Variants in MTDH observed in about 807,000 individuals in gnomAD.
The protein encoded by MTDH is metadherin, also known as protein LYRIC.
A neutral mutation model predicts 72.7 loss-of-function variants in MTDH; 34 were observed. The ratio of observed to expected loss-of-function variants is 0.47; its 90% CI spans 0.36 to 0.62. MTDH has a LOEUF of 0.62. Among genes scored for constraint, MTDH ranks in the 20% least tolerant of loss-of-function variants. MTDH has a pLI of 0.00. For missense variants in MTDH, 677 were observed against 699.4 expected, an observed-to-expected ratio of 0.97 and a Z score of 0.36; for synonymous variants, 266 against 268.9, an observed-to-expected ratio of 0.99 and a Z score of 0.10.
At chr8:97,711,001 A>G (rs1332204995) in intron 8 of MTDH, among the ~76,000 whole-genome samples, 1 of 151,170 alleles carries the variant, frequency 6.6e-6, no homozygotes, top group Non-Finnish European at 1.5e-5. Context: ...CTCCATCTCA[A>G]AAAAATAAAT....
intron 6 of MTDH, among the ~76,000 whole-genome samples, chr8:97,692,177 C>T (rs1250380594): frequency 3.3e-5 from 5 of 151,572 alleles, no homozygotes; most frequent in South Asian, 2.1e-4. Context: ...CCATCGCACC[C>T]GGCCTATAGT....
chr8:97,651,489 T>C (rs1375519064), intron 1 of MTDH, among the ~76,000 whole-genome samples: 1 of 152,196 alleles, frequency 6.6e-6, no homozygotes, highest in Non-Finnish European at 1.5e-5. Flanking sequence ...GATACTTATT[T>C]ACAGTGATGA....
chr8:97,678,929 G>A (rs1324948774), intron 2 of MTDH, among the ~76,000 whole-genome samples: 1 of 152,152 alleles, frequency 6.6e-6, no homozygotes, highest in Non-Finnish European at 1.5e-5. Flanking sequence ...GCAATGAAGA[G>A]TGTATTCTGA....
At chr8:97,693,621 C>G (rs1446896382) in intron 6 of MTDH, among the ~76,000 whole-genome samples, 1 of 152,134 alleles carries the variant, frequency 6.6e-6, no homozygotes, top group East Asian at 1.9e-4. Flanking sequence ...CCACCATGCC[C>G]AGCCGTTTCT....
intron 2 of MTDH, among the ~76,000 whole-genome samples, chr8:97,664,311 G>A (rs1812293914): frequency 6.6e-6 from 1 of 151,650 alleles, no homozygotes; most frequent in African/African-American, 2.4e-5. Context: ...AGCTGAGATC[G>A]TACCATTGCA....
Position 97,726,283 on chromosome 8 carries a change from A to G in MTDH, c.*1613A>G, listed in dbSNP as rs1363347147. The G allele has an allele frequency of 6.6e-6, 1 of 152,630 alleles. No individual in the cohort carries two copies. Among genetic ancestry groups the G allele is most frequent in the African/African-American group, 2.4e-5 (1 of 41,452 alleles). The allele number at this position is 152,630 out of a possible 1,614,324, so 9.5% of individuals were successfully genotyped here. A position where few individuals can be genotyped will look rare whatever the true frequency, so the allele number is the denominator to read the frequency against. ...TTGTTTAATTCTATGGTATTTCTAA[A>G]TTGACTTGTTTAAATAAATTCAGCA... On this transcript the variant is annotated 3_prime_UTR_variant, in exon 12 of 12. Coordinates refer to ENST00000336273, the MANE Select transcript of MTDH (RefSeq NM_178812.4).
intron 6 of MTDH, among the ~76,000 whole-genome samples, chr8:97,692,962 C>T (rs1813679240): frequency 6.6e-6 from 1 of 152,080 alleles, no homozygotes; most frequent in Admixed American, 6.5e-5. Context: ...GAACTCTTGA[C>T]CTCAAGTTGT....
At chr8:97,674,967 C>T (rs1326142728) in intron 2 of MTDH, among the ~76,000 whole-genome samples, 1 of 152,092 alleles carries the variant, frequency 6.6e-6, no homozygotes, top group Non-Finnish European at 1.5e-5. Context: ...TGCACCACCA[C>T]ACCCGACTAA....
In MTDH at chr8:97,722,932, A is replaced by G. The variant is rs1353544548; in HGVS notation, c.1575A>G (p.Ser525=). ...ATSTEPSVIL[S]KSDSDKSSSQ... is the part of the protein sequence containing the mutation. ...CTACCGAGCCATCTGTAATCTTATCAAAAAGTGATTCTGACAAGAGCTCTT... is the reference window on the plus strand; with the variant it reads ...CTACCGAGCCATCTGTAATCTTATCGAAAAGTGATTCTGACAAGAGCTCTT... Residue 525 remains serine, a synonymous_variant, in exon 11 of 12, where the codon TCA becomes TCG. Transcript: ENST00000336273. The G allele has an allele frequency of 1.2e-6, 2 of 1,614,098 alleles. No homozygotes were observed. The highest frequency in any genetic ancestry group is 1.7e-6 in the Non-Finnish European group (2 of 1,179,990).
intron 7 of MTDH, among the ~76,000 whole-genome samples, chr8:97,704,099 A>AATCACCTGTTCCATGTTTTTCCTCC (rs1356675996): frequency 2.6e-5 from 4 of 152,202 alleles, no homozygotes; most frequent in Non-Finnish European, 5.9e-5. Context: ...TCACACTTGT[A>AATCACCTGTTCCATGTTTTTCCTCC]ATCACCTGTT....
rs774102212 is a variant in MTDH at position 97,661,115 on chromosome 8, G to T, written c.425G>T (p.Arg142Leu). Residue 142 changes from arginine (R) to leucine (L), a missense_variant, in exon 2 of 12, where the codon CGA becomes CTA. By Grantham distance (102) the Arg-to-Leu change is moderately radical. Coordinates refer to ENST00000336273, the MANE Select transcript of MTDH (RefSeq NM_178812.4). ...GAAGTGGCTGAGGGTGAAGCTGTTC[G>T]AACACCTCAAAGTGTAACAGCAAAG... Reference protein sequence around the residue: ...TVEVAEGEAVRTPQSVTAKQP... With the variant: ...TVEVAEGEAVLTPQSVTAKQP... The T allele has an allele frequency of 1.9e-6, 3 of 1,613,024 alleles. No individual in the cohort carries two copies. Among genetic ancestry groups the T allele is most frequent in the East Asian group, 2.2e-5 (1 of 44,842 alleles).
Position 97,689,025 on chromosome 8 carries a change from C to T in MTDH, c.746-13C>T, listed in dbSNP as rs533264273. On this transcript the variant is annotated splice_polypyrimidine_tract_variant and intron_variant, in intron 4 of 11. Coordinates refer to ENST00000336273, the MANE Select transcript of MTDH (RefSeq NM_178812.4). ...ATTTAGTATTAAATAAATTTTATTTCTATTTTAACCAGGTGATTCTCATCT... is the reference window on the plus strand; with the variant it reads ...ATTTAGTATTAAATAAATTTTATTTTTATTTTAACCAGGTGATTCTCATCT... 9 of 1,453,706 alleles carry T rather than the reference C, an allele frequency of 6.2e-6. No homozygotes were observed. The highest frequency in any genetic ancestry group is 4.2e-5 in the African/African-American group (3 of 71,396). The allele number at this position is 1,453,706 out of a possible 1,614,324, so 90.1% of individuals were successfully genotyped here.
intron 1 of MTDH, among the ~76,000 whole-genome samples, chr8:97,657,452 C>G (rs1406871919): frequency 6.6e-6 from 1 of 152,034 alleles, no homozygotes; most frequent in Non-Finnish European, 1.5e-5. Context: ...AGAAAGCCAC[C>G]ATATAGATTA....
intron 8 of MTDH, among the ~76,000 whole-genome samples, chr8:97,709,794 C>T (rs568449643): frequency 5.3e-4 from 80 of 151,992 alleles, no homozygotes; most frequent in Non-Finnish European, 5.0e-4. Context: ...GATTGGGAAG[C>T]GGTATAAAGG....
At chr8:97,717,743 ATTGTTTGT>A (rs751913507) in intron 9 of MTDH, among the ~76,000 whole-genome samples, 3 of 150,554 alleles carry the variant, frequency 2.0e-5, no homozygotes, top group African/African-American at 7.3e-5. Flanking sequence ...TGTCCCTGAG[ATTGTTTGT>A]TTGTTTGTTT....
intron 1 of MTDH, among the ~76,000 whole-genome samples, chr8:97,657,669 AT>A (rs1812031016): frequency 6.6e-6 from 1 of 151,604 alleles, no homozygotes; most frequent in South Asian, 2.1e-4. Flanking sequence ...ACACCCGGCT[AT>A]TTTTTTAAAT....
intron 6 of MTDH, among the ~76,000 whole-genome samples, chr8:97,695,908 G>A (rs996830643): frequency 3.9e-5 from 6 of 152,222 alleles, no homozygotes; most frequent in Non-Finnish European, 5.9e-5. Context: ...TAGTGGAAAA[G>A]AGCATAGGCT....
At chr8:97,707,302 A>G (rs894801349) in intron 8 of MTDH, among the ~76,000 whole-genome samples, 5 of 151,580 alleles carry the variant, frequency 3.3e-5, no homozygotes, top group African/African-American at 9.7e-5. Flanking sequence ...CTAGCCCGAC[A>G]CTATGCCCGG....
intron 9 of MTDH, among the ~76,000 whole-genome samples, chr8:97,716,687 G>GT (rs1340336345): frequency 6.6e-6 from 1 of 151,916 alleles, no homozygotes. Context: ...AAATTATATT[G>GT]TTTTTTCTCT....
Sources: gnomAD v4.1 joint callset for allele counts (sites outside exome capture counted in the v4.1 genomes callset) on GRCh38, gnomAD v4.1.1 for gene constraint, MANE v1.5 for transcripts, NCBI Gene and HGNC (gene_info 2026-07-23, HGNC 2026-07-21) for gene names.